CALD1: variants seen among roughly 807,000 people sequenced by gnomAD.
The protein encoded by CALD1 is caldesmon.
Under a neutral mutation model 99.9 loss-of-function variants are expected in CALD1, and 33 were observed. The observed-to-expected ratio is 0.33, with a 90% confidence interval of 0.25 to 0.44. The LOEUF (loss-of-function observed/expected upper bound fraction) is 0.44. CALD1 is among the 20% of genes least tolerant of loss of function. The pLI is 1.00. For missense variants in CALD1, 861 were observed against 962.1 expected, an observed-to-expected ratio of 0.89 and a Z score of 1.39; for synonymous variants, 310 against 325.0, an observed-to-expected ratio of 0.95 and a Z score of 0.50.
the CALD1 span, among the ~76,000 whole-genome samples, chr7:134,726,105 T>C: frequency 2.0e-5 from 3 of 152,038 alleles, no homozygotes; most frequent in Admixed American, 6.6e-5. Flanking sequence ...AACCCAAGAA[T>C]ACTTATAGGA....
intron 6 of CALD1, among the ~76,000 whole-genome samples, chr7:134,937,003 AAAGTT>A (rs1167313159): frequency 6.6e-6 from 1 of 152,244 alleles, no homozygotes; most frequent in African/African-American, 2.4e-5. Context: ...AAGAAAAATG[AAAGTT>A]ACCTCAGAAC....
intron 3 of CALD1, among the ~76,000 whole-genome samples, chr7:134,879,048 A>G (rs1586182512): frequency 6.6e-6 from 1 of 152,146 alleles, no homozygotes. Flanking sequence ...TGGTTTTCTC[A>G]TTGGCCAGCA....
chr7:134,937,747 C>G (rs2133026418), intron 6 of CALD1, among the ~76,000 whole-genome samples: 1 of 152,192 alleles, frequency 6.6e-6, no homozygotes, highest in Non-Finnish European at 1.5e-5. Context: ...ATCACGTGAG[C>G]CTTCTTAAAG....
intron 5 of CALD1, among the ~76,000 whole-genome samples, chr7:134,934,369 T>C (rs1805789512): frequency 1.3e-5 from 2 of 152,162 alleles, no homozygotes; most frequent in Admixed American, 1.3e-4. Context: ...AAAGAATTAA[T>C]CCAAAGATGA....
In CALD1 at chr7:134,774,286, T is replaced by C. The variant is rs572092244; in HGVS notation, c.-130+29923T>C. Among the ~76,000 whole-genome samples the C allele has an allele frequency of 2.6e-5, 4 of 152,278 alleles. No individual in the cohort carries two copies. In the South Asian group the frequency reaches 6.2e-4, roughly 24 times the overall value. Reference sequence around the variant, plus strand: ...CTGTGAGTTTAGGTCTTTTTTTCCATGAGCATGCCAGTTTCTCTGGAATGG... The same window carrying C: ...CTGTGAGTTTAGGTCTTTTTTTCCACGAGCATGCCAGTTTCTCTGGAATGG... On this transcript the variant is annotated intron_variant, in intron 1 of 13. Coordinates refer to the CALD1 transcript ENST00000417172.
intron 6 of CALD1, among the ~76,000 whole-genome samples, chr7:134,936,049 G>A (rs1055329299): frequency 6.6e-5 from 10 of 152,088 alleles, no homozygotes; most frequent in African/African-American, 1.9e-4. Context: ...TCTGTGGGAC[G>A]TCATCAAAAA....
chr7:134,746,523 T>C (rs1458615474), intron 1 of CALD1, among the ~76,000 whole-genome samples: 1 of 152,198 alleles, frequency 6.6e-6, no homozygotes, highest in Non-Finnish European at 1.5e-5. Flanking sequence ...GAAGCAGCTT[T>C]GGAACTGGAT....
chr7:134,894,406 A>G (rs969432705), intron 3 of CALD1, among the ~76,000 whole-genome samples: 2 of 152,234 alleles, frequency 1.3e-5, no homozygotes, highest in Non-Finnish European at 2.9e-5. Context: ...CTGATGCTCC[A>G]GAAATATTCT....
intron 14 of CALD1, among the ~76,000 whole-genome samples, chr7:134,966,852 C>T (rs976278591): frequency 1.3e-5 from 2 of 151,986 alleles, no homozygotes; most frequent in South Asian, 2.1e-4. Context: ...ATGCTATTAG[C>T]GCATTGCAGG....
At chr7:134,924,797 G>C (rs1804870569) in intron 3 of CALD1, among the ~76,000 whole-genome samples, 1 of 152,112 alleles carries the variant, frequency 6.6e-6, no homozygotes, top group Non-Finnish European at 1.5e-5. Context: ...TGTCAAGAGA[G>C]AGACCAGGTG....
At chr7:134,711,981 T>A in the CALD1 span, among the ~76,000 whole-genome samples, 1 of 130,620 alleles carries the variant, frequency 7.7e-6, no homozygotes, top group Non-Finnish European at 1.6e-5. Context: ...AGGTACCAAA[T>A]AAAGGAAGGA....
chr7:134,782,021 G>C (rs907651269), intron 1 of CALD1, among the ~76,000 whole-genome samples: 1 of 152,206 alleles, frequency 6.6e-6, no homozygotes, highest in Non-Finnish European at 1.5e-5. Flanking sequence ...GCCATGTAAA[G>C]GTCCAGAATC....
chr7:134,958,407 ATTTTTTT>A, intron 11 of CALD1, 117 bp downstream of exon 11: 6 of 529,578 alleles, frequency 1.1e-5, no homozygotes, highest in Admixed American at 7.1e-5. Flanking sequence ...GAGTGTTAGA[ATTTTTTT>A]TTTTTTTTTT....
At chr7:134,934,868 G>A (rs181292755) in intron 5 of CALD1, among the ~76,000 whole-genome samples, 148 of 152,040 alleles carry the variant, frequency 9.7e-4, no homozygotes, top group African/African-American at 3.0e-3. Flanking sequence ...AACAGGGAGA[G>A]ACTCCATCTC....
At chr7:134,734,586 G>A in the CALD1 span, among the ~76,000 whole-genome samples, 2 of 152,150 alleles carry the variant, frequency 1.3e-5, no homozygotes, top group Non-Finnish European at 2.9e-5. Context: ...ACACATTGTG[G>A]AGGGACCCGG....
At chr7:134,809,420 T>C (rs1021550825) in intron 1 of CALD1, among the ~76,000 whole-genome samples, 1 of 152,096 alleles carries the variant, frequency 6.6e-6, no homozygotes, top group Non-Finnish European at 1.5e-5. Flanking sequence ...CATTTCCTCA[T>C]CCATTAAAAG....
chr7:134,713,023 G>C, the CALD1 span, among the ~76,000 whole-genome samples: 1 of 152,194 alleles, frequency 6.6e-6, no homozygotes, highest in African/African-American at 2.4e-5. Context: ...TAACCTGGGA[G>C]AAGGGTAAAG....
intron 3 of CALD1, among the ~76,000 whole-genome samples, chr7:134,904,397 A>G (rs1324724648): frequency 6.6e-6 from 1 of 151,838 alleles, no homozygotes; most frequent in Non-Finnish European, 1.5e-5. Context: ...CCTGGGCAAC[A>G]TGGTGAAATC....
At chr7:134,855,726 G>C (rs1393739463) in intron 2 of CALD1, among the ~76,000 whole-genome samples, 1 of 152,156 alleles carries the variant, frequency 6.6e-6, no homozygotes, top group Non-Finnish European at 1.5e-5. Flanking sequence ...ATACAAAATT[G>C]CTTAGTCATC....
Sources: gnomAD v4.1 joint callset for allele counts (sites outside exome capture counted in the v4.1 genomes callset) on GRCh38, gnomAD v4.1.1 for gene constraint, MANE v1.5 for transcripts, NCBI Gene and HGNC (gene_info 2026-07-23, HGNC 2026-07-21) for gene names.